The following TTLL11 variants were observed in gnomAD, a reference collection of about 807,000 sequenced individuals.
TTLL11 encodes tubulin polyglutamylase TTLL11.
A neutral mutation model predicts 51.7 loss-of-function variants in TTLL11; 42 were observed. The observed-to-expected ratio is 0.81, with a 90% CI of 0.64 to 1.05. The LOEUF is 1.05. Ranked by LOEUF, TTLL11 falls within the 50% of genes least tolerant of loss-of-function variation. The pLI is 0.00. For synonymous variants in TTLL11, 381 were observed against 383.5 expected, an observed-to-expected ratio of 0.99 and a Z score of 0.08; for missense variants, 799 against 940.4, an observed-to-expected ratio of 0.85 and a Z score of 1.97.
At chr9:121,826,555 GTGTATATATA>G (rs1836805466) in intron 8 of TTLL11, among the ~76,000 whole-genome samples, 1 of 48,104 alleles carries the variant, frequency 2.1e-5, no homozygotes. Context: ...ATATATGTGT[GTGTATATATA>G]TATATATATA....
chr9:121,887,370 G>C (rs1423141128), intron 6 of TTLL11, among the ~76,000 whole-genome samples: 1 of 152,194 alleles, frequency 6.6e-6, no homozygotes, highest in Non-Finnish European at 1.5e-5. Flanking sequence ...TCCCTCTAAA[G>C]GTTATGCTTC....
chr9:122,036,438 C>T (rs1844705295), intron 2 of TTLL11, among the ~76,000 whole-genome samples: 1 of 151,594 alleles, frequency 6.6e-6, no homozygotes, highest in Non-Finnish European at 1.5e-5. Flanking sequence ...TCTGACATGT[C>T]TGATTTAGAT....
At chr9:121,856,227 A>G (rs1400741131) in intron 8 of TTLL11, among the ~76,000 whole-genome samples, 1 of 152,148 alleles carries the variant, frequency 6.6e-6, no homozygotes, top group Non-Finnish European at 1.5e-5. Context: ...AACTGCCATC[A>G]TGCCTGGTGA....
At chr9:121,845,891 T>C (rs1429395456) in intron 8 of TTLL11, among the ~76,000 whole-genome samples, 2 of 152,116 alleles carry the variant, frequency 1.3e-5, no homozygotes, top group African/African-American at 2.4e-5. Context: ...TAGCAAGCTG[T>C]TACAAACATT....
intron 8 of TTLL11, among the ~76,000 whole-genome samples, chr9:121,847,995 G>A (rs532779438): frequency 6.6e-6 from 1 of 152,150 alleles, no homozygotes; most frequent in Non-Finnish European, 1.5e-5. Flanking sequence ...GAGTCCAGGA[G>A]TTTGAGACCA....
intron 6 of TTLL11, among the ~76,000 whole-genome samples, chr9:121,876,527 C>T (rs1838572584): frequency 6.6e-6 from 1 of 152,112 alleles, no homozygotes; most frequent in African/African-American, 2.4e-5. Flanking sequence ...ATGAGTGAGC[C>T]AGCATGGGTC....
chr9:121,886,309 T>G (rs1299232923), intron 6 of TTLL11, among the ~76,000 whole-genome samples: 2 of 152,118 alleles, frequency 1.3e-5, no homozygotes, highest in African/African-American at 4.8e-5. Flanking sequence ...GAATGTGACC[T>G]TTTTTGGAAA....
At chr9:122,080,976 T>C (rs1462197889) in intron 1 of TTLL11, among the ~76,000 whole-genome samples, 1 of 152,174 alleles carries the variant, frequency 6.6e-6, no homozygotes, top group Non-Finnish European at 1.5e-5. Context: ...CCAGAAGAAA[T>C]ACTGGAAAGA....
chr9:121,980,336 T>C (rs982104881), intron 4 of TTLL11, among the ~76,000 whole-genome samples: 3 of 152,100 alleles, frequency 2.0e-5, no homozygotes, highest in Admixed American at 1.3e-4. Flanking sequence ...CTCCAGACTA[T>C]AAAATAAGGA....
chr9:121,825,119 G>C (rs1836709690), intron 8 of TTLL11, among the ~76,000 whole-genome samples: 1 of 152,208 alleles, frequency 6.6e-6, no homozygotes, highest in Non-Finnish European at 1.5e-5. Flanking sequence ...CAGGGGAGTA[G>C]GAGCCTTGGT....
At chr9:122,091,387 C>T (rs1044818396) in intron 1 of TTLL11, among the ~76,000 whole-genome samples, 5 of 152,216 alleles carry the variant, frequency 3.3e-5, no homozygotes, top group Non-Finnish European at 5.9e-5. Flanking sequence ...CCTTTGTTTT[C>T]CCCAAGTTTC....
Position 121,894,027 on chromosome 9 carries a change from G to A in TTLL11, c.1482-23279C>T, listed in dbSNP as rs12004388. ...GAAGTAATGAGCACCTGGATTCCACGTTTCACCAAATGTTTGAGCAAAGCC... is the reference window on the plus strand; with the variant it reads ...GAAGTAATGAGCACCTGGATTCCACATTTCACCAAATGTTTGAGCAAAGCC... On this transcript the variant is annotated intron_variant, in intron 6 of 8. Coordinates refer to ENST00000321582, the MANE Select transcript of TTLL11 (RefSeq NM_001139442.2). Among the ~76,000 whole-genome samples the A allele has an allele frequency of 5.6e-3, 852 of 152,262 alleles. 9 individuals are homozygous for A. The highest frequency in any genetic ancestry group is 0.02 in the African/African-American group (823 of 41,538).
chr9:121,910,812 T>C (rs1840089985), intron 6 of TTLL11, among the ~76,000 whole-genome samples: 1 of 152,242 alleles, frequency 6.6e-6, no homozygotes, highest in African/African-American at 2.4e-5. Context: ...TAATCATTGT[T>C]TTGACTAATA....
chr9:121,983,199 C>T (rs1842863404), intron 4 of TTLL11, among the ~76,000 whole-genome samples: 1 of 152,178 alleles, frequency 6.6e-6, no homozygotes, highest in African/African-American at 2.4e-5. Context: ...AGAAGGATGT[C>T]TCAGGCTGTT....
chr9:121,830,960 C>T (rs1307784407), intron 8 of TTLL11, among the ~76,000 whole-genome samples: 2 of 152,196 alleles, frequency 1.3e-5, no homozygotes, highest in South Asian at 2.1e-4. Flanking sequence ...GGTTACTGCA[C>T]CAGTCCAAGT....
intron 4 of TTLL11, among the ~76,000 whole-genome samples, chr9:121,975,733 A>C (rs1027373477): frequency 6.6e-6 from 1 of 152,070 alleles, no homozygotes; most frequent in Non-Finnish European, 1.5e-5. Flanking sequence ...AAACAAACAA[A>C]AAAACCCACC....
intron 6 of TTLL11, among the ~76,000 whole-genome samples, chr9:121,886,785 A>C (rs1441561083): frequency 2.0e-5 from 3 of 152,216 alleles, no homozygotes; most frequent in African/African-American, 4.8e-5. Context: ...GTAGGCCCTC[A>C]ATAGATGCTA....
At chr9:121,966,935 C>T (rs1842415435) in intron 6 of TTLL11, among the ~76,000 whole-genome samples, 1 of 152,144 alleles carries the variant, frequency 6.6e-6, no homozygotes, top group South Asian at 2.1e-4. Context: ...CCTGATTGAC[C>T]ACTTGGTGAC....
rs1345147568 is a variant in TTLL11, at chr9:121,818,505, A to T, written c.*4082T>A. ...TGCTCTGTGCCAACGTGGACCCAGC[A>T]CATGCCTGACCCTGCAGGAACGCAC... is the stretch of plus-strand genomic sequence containing the variant. On this transcript the variant is annotated 3_prime_UTR_variant, in exon 9 of 9. Transcript: ENST00000321582. The T allele has an allele frequency of 6.6e-6, 1 of 152,314 alleles. No homozygotes were observed. 9.4% of individuals were successfully genotyped at this position (152,314 alleles called of 1,614,324 possible).
Sources: gnomAD v4.1 joint callset for allele counts (sites outside exome capture counted in the v4.1 genomes callset) on GRCh38, gnomAD v4.1.1 for gene constraint, MANE v1.5 for transcripts, NCBI Gene and HGNC (gene_info 2026-07-23, HGNC 2026-07-21) for gene names.